FSHR: variants seen among roughly 807,000 people sequenced by gnomAD.
FSHR encodes the protein follicle stimulating hormone receptor, also known as follicle-stimulating hormone receptor.
In FSHR, 46 loss-of-function variants were observed where a neutral mutation model predicts 52.1. The observed-to-expected ratio is 0.88, with a 90% CI of 0.70 to 1.13. FSHR has a LOEUF of 1.13. FSHR is among the 50% of genes most tolerant of loss of function. The pLI, the probability that FSHR is intolerant of heterozygous loss-of-function variation, is 0.00. For synonymous variants in FSHR, 399 were observed against 309.6 expected (o/e 1.29, Z -3.03); for missense variants, 964 against 834.6 (o/e 1.16, Z -1.91).
chr2:49,145,378 A>G (rs908108796), intron 1 of FSHR, among the ~76,000 whole-genome samples: 1 of 152,072 alleles, frequency 6.6e-6, no homozygotes, highest in Non-Finnish European at 1.5e-5. Context: ...CCTTCTTATA[A>G]AATAAAACAA....
At chr2:49,055,782 G>T (rs528441962) in intron 2 of FSHR, among the ~76,000 whole-genome samples, 3 of 151,986 alleles carry the variant, frequency 2.0e-5, no homozygotes, top group African/African-American at 7.2e-5. Flanking sequence ...AAAAAGCTGC[G>T]AGACAAGAAT....
chr2:49,060,901 C>G (rs1428014086), intron 2 of FSHR, among the ~76,000 whole-genome samples: 3 of 152,126 alleles, frequency 2.0e-5, no homozygotes, highest in African/African-American at 7.2e-5. Context: ...TAGAATGCTG[C>G]TAAGCCCCAC....
intron 1 of FSHR, among the ~76,000 whole-genome samples, chr2:49,125,532 C>G (rs776116197): frequency 5.3e-5 from 8 of 152,206 alleles, no homozygotes; most frequent in African/African-American, 7.2e-5. Context: ...ATCACCTCTT[C>G]CTGCAGTCAG....
In FSHR at chr2:49,041,591, C is replaced by T. The variant is rs369715355; in HGVS notation, c.225-21431G>A. Among the ~76,000 whole-genome samples, 21 of 152,156 alleles carry T rather than the reference C, an allele frequency of 1.4e-4. No individual in the cohort carries two copies. The South Asian group carries it at 1.7e-3, about 12-fold the overall frequency. On this transcript the variant is annotated intron_variant, in intron 2 of 9. Transcript: ENST00000406846. Reference sequence around the variant, plus strand: ...GATGGTCCTAGAGGATTTTATTTTACTATTTCTAGATTATTCTGAGGAAGG... The same window carrying T: ...GATGGTCCTAGAGGATTTTATTTTATTATTTCTAGATTATTCTGAGGAAGG...
chr2:49,014,831 T>C (rs1425875486), intron 4 of FSHR: 1 of 451,242 alleles, frequency 2.2e-6, no homozygotes, highest in South Asian at 1.7e-5. Context: ...AGTTTATGAA[T>C]GAAAGTGTCT....
At chr2:49,097,230 G>C (rs748170800) in intron 1 of FSHR, among the ~76,000 whole-genome samples, 5 of 151,926 alleles carry the variant, frequency 3.3e-5, no homozygotes, top group Non-Finnish European at 7.4e-5. Flanking sequence ...TGTTGTACTG[G>C]GCATAGATTT....
chr2:48,985,127 AT>A (rs1232653376), intron 6 of FSHR, among the ~76,000 whole-genome samples: 247 of 152,240 alleles, frequency 1.6e-3, no homozygotes, highest in Non-Finnish European at 3.0e-3. Context: ...GATGACGATG[AT>A]GACGATGACT....
intron 2 of FSHR, among the ~76,000 whole-genome samples, chr2:49,056,550 C>T (rs575729100): frequency 2.0e-4 from 30 of 149,008 alleles, no homozygotes; most frequent in South Asian, 8.4e-4. Context: ...AGAGATAGAC[C>T]GCAATACATT....
chr2:48,980,929 T>C (rs1675219044), intron 8 of FSHR, among the ~76,000 whole-genome samples: 1 of 152,170 alleles, frequency 6.6e-6, no homozygotes, highest in South Asian at 2.1e-4. Flanking sequence ...AGGTCACATA[T>C]ATAAACACAC....
intron 1 of FSHR, among the ~76,000 whole-genome samples, chr2:49,150,409 AG>A (rs1673020391): frequency 1.3e-5 from 2 of 152,094 alleles, no homozygotes; most frequent in African/African-American, 4.8e-5. Flanking sequence ...TCCTCACGAA[AG>A]CCCTCTGTGG....
intron 1 of FSHR, among the ~76,000 whole-genome samples, chr2:49,084,989 A>G (rs1670319761): frequency 1.3e-5 from 2 of 152,196 alleles, no homozygotes; most frequent in Non-Finnish European, 2.9e-5. Context: ...TCCCTAACTC[A>G]TTTTATGAGG....
chr2:48,988,317 T>A (rs1675610778), intron 6 of FSHR, among the ~76,000 whole-genome samples: 1 of 152,216 alleles, frequency 6.6e-6, no homozygotes, highest in Non-Finnish European at 1.5e-5. Context: ...GGTCCCCAAA[T>A]GTCATTCTGT....
chr2:49,008,651 A>G (rs1165598064), intron 4 of FSHR, among the ~76,000 whole-genome samples: 1 of 140,804 alleles, frequency 7.1e-6, no homozygotes, highest in Non-Finnish European at 1.5e-5. Flanking sequence ...CAACAGTGTA[A>G]AAGTGTTCCT....
chr2:49,039,632 A>G (rs981583057), intron 2 of FSHR, among the ~76,000 whole-genome samples: 1 of 152,222 alleles, frequency 6.6e-6, no homozygotes, highest in Non-Finnish European at 1.5e-5. Context: ...CCAAACTGGT[A>G]GCTGAATCCT....
rs1668566251 is a variant in FSHR at position 49,043,885 on chromosome 2, C to T, written c.225-23725G>A. 1.3e-5 allele frequency among the ~76,000 whole-genome samples: 2 copies of T among 152,108 alleles called. 1 individual carries two copies. Among genetic ancestry groups the T allele is most frequent in the South Asian group, 4.1e-4 (2 of 4,822 alleles). On this transcript the variant is annotated intron_variant, in intron 2 of 9. Coordinates refer to ENST00000406846, the MANE Select transcript of FSHR (RefSeq NM_000145.4). The stretch of plus-strand genomic sequence containing the variant: ...AATATCCGCCACTCAGAACACTTTC[C>T]CCTCTCTTCTTTGATAATGGAAATC...
intron 4 of FSHR, chr2:49,014,719 G>T: frequency 4.6e-6 from 1 of 218,962 alleles, no homozygotes; most frequent in Non-Finnish European, 9.6e-6. Flanking sequence ...CGCATTTTCA[G>T]ATATGCTATT....
chr2:49,124,634 T>A (rs1214528344), intron 1 of FSHR, among the ~76,000 whole-genome samples: 1 of 152,170 alleles, frequency 6.6e-6, no homozygotes, highest in African/African-American at 2.4e-5. Flanking sequence ...GACTTGTCAG[T>A]AGTCTTGTTG....
At chr2:49,034,839 T>C (rs2104265378) in intron 2 of FSHR, among the ~76,000 whole-genome samples, 1 of 152,272 alleles carries the variant, frequency 6.6e-6, no homozygotes, top group Admixed American at 6.5e-5. Flanking sequence ...AGTCTAGACC[T>C]AGCATTTCTC....
At chr2:49,153,195 T>C (rs918624002) in intron 1 of FSHR, among the ~76,000 whole-genome samples, 6 of 152,200 alleles carry the variant, frequency 3.9e-5, no homozygotes, top group African/African-American at 7.2e-5. Context: ...AATATGGCAA[T>C]TGGTGAACTA....
Sources: allele counts gnomAD v4.1 joint callset (sites outside exome capture counted in the v4.1 genomes callset), GRCh38; gene constraint gnomAD v4.1.1; transcripts MANE v1.5; gene names NCBI Gene and HGNC (gene_info 2026-07-23, HGNC 2026-07-21).